The following PTK2B variants were observed in gnomAD, a reference collection of about 807,000 sequenced individuals.
PTK2B encodes protein tyrosine kinase 2 beta, also known as protein-tyrosine kinase 2-beta.
PTK2B carries 71 observed loss-of-function variants against 142.9 expected under a neutral mutation model. The ratio of observed to expected loss-of-function variants is 0.50; its 90% CI spans 0.41 to 0.61. The LOEUF (loss-of-function observed/expected upper bound fraction) is 0.61, where lower values mean the gene tolerates loss of function less well. Ranked by LOEUF, PTK2B falls within the 20% of genes least tolerant of loss-of-function variation. The probability of loss-of-function intolerance (pLI) is 0.00; values close to 1 mark genes in which losing one functional copy is unlikely to be tolerated. For synonymous variants in PTK2B, 519 were observed against 503.4 expected (o/e 1.03, Z -0.42); for missense variants, 1,105 against 1,320.4 (o/e 0.84, Z 2.53).
intron 3 of PTK2B, among the ~76,000 whole-genome samples, chr8:27,314,152 A>G (rs997763495): frequency 2.6e-5 from 4 of 152,218 alleles, no homozygotes; most frequent in African/African-American, 9.6e-5. Context: ...ACATTAGCTC[A>G]TACCCTTTTG....
chr8:27,391,299 G>C (rs1013681841), intron 1 of PTK2B, among the ~76,000 whole-genome samples: 1 of 152,070 alleles, frequency 6.6e-6, no homozygotes, highest in African/African-American at 2.4e-5. Context: ...GTTTCACCAT[G>C]TTGATCAGGC....
intron 1 of PTK2B, among the ~76,000 whole-genome samples, chr8:27,366,071 G>C (rs963025185): frequency 6.6e-6 from 1 of 152,210 alleles, no homozygotes; most frequent in African/African-American, 2.4e-5. Flanking sequence ...TTTCAAAGAA[G>C]CTTCCTTGTC....
intron 1 of PTK2B, among the ~76,000 whole-genome samples, chr8:27,378,995 G>A (rs1204984304): frequency 1.3e-5 from 2 of 152,108 alleles, no homozygotes; most frequent in Non-Finnish European, 1.5e-5. Context: ...CATCCGACAC[G>A]GGGGAGCTGG....
chr8:27,345,805 T>A (rs1175284620), intron 1 of PTK2B, among the ~76,000 whole-genome samples: 1 of 151,738 alleles, frequency 6.6e-6, no homozygotes, highest in Admixed American at 6.6e-5. Flanking sequence ...CAGGTGAAAA[T>A]GTGTATATGT....
intron 1 of PTK2B, among the ~76,000 whole-genome samples, chr8:27,331,915 C>T (rs1803774549): frequency 6.6e-6 from 1 of 152,222 alleles, no homozygotes; most frequent in Admixed American, 6.5e-5. Context: ...CCCCTCTCAC[C>T]CAGCTCCATG....
At chr8:27,402,233 G>A (rs979660927) in intron 2 of PTK2B, among the ~76,000 whole-genome samples, 10 of 151,968 alleles carry the variant, frequency 6.6e-5, no homozygotes, top group African/African-American at 1.2e-4. Context: ...GGAGATTCAC[G>A]AATGAGGAAG....
At chr8:27,396,683 G>A (rs1808069687) in intron 1 of PTK2B, among the ~76,000 whole-genome samples, 1 of 152,236 alleles carries the variant, frequency 6.6e-6, no homozygotes, top group African/African-American at 2.4e-5. Context: ...CTTTAGATCA[G>A]TGGGAGATAA....
At chr8:27,451,218 C>CT in intron 26 of PTK2B, 140 bp downstream of exon 26, 1 of 1,102,336 alleles carries the variant, frequency 9.1e-7, no homozygotes, top group Non-Finnish European at 1.3e-6. Flanking sequence ...GGGAGGGTGT[C>CT]TTTTCCTTTT....
At chr8:27,311,167 G>T (rs1249902535), upstream of PTK2B, 1 of 1,607,608 alleles carries the variant, frequency 6.2e-7, no homozygotes, top group Non-Finnish European at 8.5e-7. Flanking sequence ...GGTCGTAGCA[G>T]ACGGCGCAGA....
At chr8:27,311,115 A>G, upstream of PTK2B, 1 of 1,600,766 alleles carries the variant, frequency 6.2e-7, no homozygotes, top group Non-Finnish European at 8.5e-7. Flanking sequence ...CACCCGCGGC[A>G]GAAGTTGTGG....
At chr8:27,447,571 A>G (rs1283406021) in intron 24 of PTK2B, among the ~76,000 whole-genome samples, 1 of 152,184 alleles carries the variant, frequency 6.6e-6, no homozygotes, top group African/African-American at 2.4e-5. Flanking sequence ...AAATAATACA[A>G]TTCAAGGCCA....
At chr8:27,388,430 G>T (rs1042861780) in intron 1 of PTK2B, among the ~76,000 whole-genome samples, 1 of 152,200 alleles carries the variant, frequency 6.6e-6, no homozygotes, top group Non-Finnish European at 1.5e-5. Context: ...AGAAGCTCTT[G>T]GGAGGAAGGG....
intron 1 of PTK2B, among the ~76,000 whole-genome samples, chr8:27,375,991 G>A (rs576023488): frequency 4.5e-4 from 68 of 152,334 alleles, no homozygotes; most frequent in Non-Finnish European, 7.3e-4. Flanking sequence ...CTGCTCAGCC[G>A]TGCTGTGGGA....
intron 3 of PTK2B, among the ~76,000 whole-genome samples, chr8:27,316,005 A>T (rs540948091): frequency 6.6e-6 from 1 of 152,310 alleles, no homozygotes; most frequent in South Asian, 2.1e-4. Flanking sequence ...TGGTGACTAG[A>T]ACCAATCTGT....
At chr8:27,432,952 G>T (rs1419710075) in intron 10 of PTK2B, among the ~76,000 whole-genome samples, 1 of 152,058 alleles carries the variant, frequency 6.6e-6, no homozygotes, top group African/African-American at 2.4e-5. Flanking sequence ...TCAGCCTCCT[G>T]AGTAGCTGGG....
At chr8:27,349,677 AAT>A (rs1804931446) in intron 1 of PTK2B, among the ~76,000 whole-genome samples, 1 of 152,264 alleles carries the variant, frequency 6.6e-6, no homozygotes, top group Non-Finnish European at 1.5e-5. Context: ...CAAAGGAAAT[AAT>A]ATTCATCAAT....
At chr8:27,370,990 G>A (rs1016111502) in intron 1 of PTK2B, among the ~76,000 whole-genome samples, 1 of 152,012 alleles carries the variant, frequency 6.6e-6, no homozygotes, top group Non-Finnish European at 1.5e-5. Context: ...CTGCCTCCTG[G>A]GTTCAAATGA....
intron 30 of PTK2B, among the ~76,000 whole-genome samples, chr8:27,457,364 A>G (rs1282054222): frequency 1.3e-5 from 2 of 152,254 alleles, no homozygotes; most frequent in Non-Finnish European, 2.9e-5. Flanking sequence ...TTGACAGTGC[A>G]TCTACTCAAG....
At position 27,383,993 on chromosome 8, in the gene PTK2B, C is replaced by T. The variant is rs191600549; in HGVS notation, c.-37-13555C>T. On this transcript the variant is annotated intron_variant, in intron 1 of 30. Transcript: ENST00000346049. ...CCTCCCGAGTAGCTGGGATTACAGG[C>T]ATGAGCCACCATGCCCAGCTAATTT... 2.5e-3 allele frequency among the ~76,000 whole-genome samples: 375 copies of T among 152,140 alleles called. 2 individuals carry two copies. The highest frequency in any genetic ancestry group is 8.7e-3 in the African/African-American group (362 of 41,520).
Sources: allele counts gnomAD v4.1 joint callset (sites outside exome capture counted in the v4.1 genomes callset), GRCh38; gene constraint gnomAD v4.1.1; transcripts MANE v1.5; gene names NCBI Gene and HGNC (gene_info 2026-07-23, HGNC 2026-07-21).